Variants in R3HDM1 observed in about 807,000 individuals in gnomAD.
R3HDM1 encodes the protein R3H domain-containing protein 1.
R3HDM1 carries 46 observed loss-of-function variants against 141.1 expected under a neutral mutation model. The observed-to-expected ratio is 0.33, with a 90% CI of 0.26 to 0.42. R3HDM1 has a LOEUF of 0.42. R3HDM1 is among the 10% of genes least tolerant of loss of function. The pLI, the probability that R3HDM1 is intolerant of heterozygous loss-of-function variation, is 1.00. For missense variants in R3HDM1, 1,184 were observed against 1,368.3 expected, an observed-to-expected ratio of 0.87 and a Z score of 2.12; for synonymous variants, 435 against 472.9, an observed-to-expected ratio of 0.92 and a Z score of 1.04.
intron 16 of R3HDM1, 55 bp downstream of exon 16, chr2:135,645,582 G>A: frequency 1.3e-6 from 2 of 1,555,394 alleles, no homozygotes; most frequent in South Asian, 2.3e-5. Flanking sequence ...ACATATTTGG[G>A]ACTAAATTCG....
intron 7 of R3HDM1, among the ~76,000 whole-genome samples, chr2:135,626,067 G>A (rs1472418671): frequency 1.3e-5 from 2 of 152,152 alleles, no homozygotes; most frequent in African/African-American, 4.8e-5. Flanking sequence ...GTCTGAAGTG[G>A]GGCAGTCTTG....
At chr2:135,560,515 C>T (rs1387880198) in intron 1 of R3HDM1, among the ~76,000 whole-genome samples, 3 of 152,046 alleles carry the variant, frequency 2.0e-5, no homozygotes, top group African/African-American at 4.8e-5. Context: ...GGTTTCACCA[C>T]GTTGACCAGG....
intron 1 of R3HDM1, chr2:135,581,536 T>C (rs1706803636): frequency 6.8e-6 from 3 of 438,344 alleles, no homozygotes; most frequent in Non-Finnish European, 9.1e-6. Flanking sequence ...CTCCTCTCTA[T>C]GACATGTTAA....
rs149557194 is a variant in R3HDM1, at chr2:135,552,245, G to A, written c.-250+20612G>A. On this transcript the variant is annotated intron_variant, in intron 1 of 26. Transcript: ENST00000683871. ...GGGTCTTGCTCTCTCACCCAGGCTG[G>A]AGTGCAATGGCATGATCTTGGCTCA... Among the ~76,000 whole-genome samples the A allele has an allele frequency of 5.4e-3, 827 of 152,032 alleles. 7 individuals are homozygous for A. The highest frequency in any genetic ancestry group is 0.019 in the African/African-American group (795 of 41,468).
chr2:135,612,182 G>A (rs1246654144), intron 3 of R3HDM1, among the ~76,000 whole-genome samples: 3 of 152,054 alleles, frequency 2.0e-5, no homozygotes, highest in Non-Finnish European at 2.9e-5. Context: ...TTAGCATCCT[G>A]GCATCCATTA....
intron 1 of R3HDM1, among the ~76,000 whole-genome samples, chr2:135,596,385 T>A (rs2059189492): frequency 6.6e-6 from 1 of 152,112 alleles, no homozygotes; most frequent in Non-Finnish European, 1.5e-5. Context: ...ATGAAAAATG[T>A]CATAAACAAA....
intron 1 of R3HDM1, among the ~76,000 whole-genome samples, chr2:135,545,698 G>A (rs1021662600): frequency 1.2e-4 from 18 of 152,310 alleles, no homozygotes; most frequent in African/African-American, 4.3e-4. Flanking sequence ...GTATTCATTA[G>A]TTACGTGAAT....
At chr2:135,705,812 G>A (rs1409606602) in intron 21 of R3HDM1, among the ~76,000 whole-genome samples, 1 of 152,054 alleles carries the variant, frequency 6.6e-6, no homozygotes, top group Non-Finnish European at 1.5e-5. Flanking sequence ...AATGTTAAAG[G>A]AATAAGATGA....
intron 14 of R3HDM1, among the ~76,000 whole-genome samples, chr2:135,639,862 C>T (rs916724149): frequency 4.6e-5 from 7 of 152,100 alleles, no homozygotes; most frequent in South Asian, 2.1e-4. Flanking sequence ...TTTGGGATGC[C>T]GAGGCAGGCA....
chr2:135,695,409 T>A (rs547028505), intron 21 of R3HDM1, among the ~76,000 whole-genome samples: 3 of 152,144 alleles, frequency 2.0e-5, no homozygotes, highest in Non-Finnish European at 1.5e-5. Flanking sequence ...GCATCATTGC[T>A]CTTAAGGGGC....
intron 1 of R3HDM1, among the ~76,000 whole-genome samples, chr2:135,556,082 C>T (rs1700710834): frequency 6.6e-6 from 1 of 152,080 alleles, no homozygotes; most frequent in South Asian, 2.1e-4. Flanking sequence ...TGTGAATGAA[C>T]CTTGAAAACA....
intron 21 of R3HDM1, among the ~76,000 whole-genome samples, chr2:135,684,388 C>T (rs564581065): frequency 9.2e-5 from 14 of 152,240 alleles, no homozygotes; most frequent in African/African-American, 2.6e-4. Flanking sequence ...CGCTCCCAGC[C>T]GAACATATTT....
rs1053705507 is a variant in R3HDM1 at position 135,549,543 on chromosome 2, A to T, written c.-250+17910A>T. On this transcript the variant is annotated intron_variant, in intron 1 of 26. Coordinates refer to ENST00000683871, the MANE Select transcript of R3HDM1 (RefSeq NM_001378107.1). ...GCCATTGCACTCCAGCCTGGGTGACAAGAGCGAAACTCTGCCTCAAAAAAA... is the reference window on the plus strand; with the variant it reads ...GCCATTGCACTCCAGCCTGGGTGACTAGAGCGAAACTCTGCCTCAAAAAAA... Among the ~76,000 whole-genome samples, 109 of 148,676 alleles carry T rather than the reference A, an allele frequency of 7.3e-4. 3 individuals are homozygous for T. Among genetic ancestry groups the T allele is most frequent in the Non-Finnish European group, 2.2e-4 (15 of 67,450 alleles).
At position 135,681,129 on chromosome 2, in the gene R3HDM1, C is replaced by T. The variant is rs535826072; in HGVS notation, c.2459+805C>T. ...ATCAACAGAAATGTCTCTGACAAGC[C>T]ATGTGTTGAAAATACTAATCTTTCA... is the stretch of plus-strand genomic sequence containing the variant. On this transcript the variant is annotated intron_variant, in intron 21 of 26. Coordinates refer to ENST00000683871, the MANE Select transcript of R3HDM1 (RefSeq NM_001378107.1). 4.9e-4 allele frequency among the ~76,000 whole-genome samples: 75 copies of T among 152,244 alleles called. 2 individuals carry two copies. The highest frequency in any genetic ancestry group is 1.6e-3 in the African/African-American group (67 of 41,534).
intron 1 of R3HDM1, among the ~76,000 whole-genome samples, chr2:135,589,059 A>G (rs995700475): frequency 2.0e-5 from 3 of 152,158 alleles, no homozygotes; most frequent in Non-Finnish European, 4.4e-5. Context: ...CTCATTTAGC[A>G]TTTACGTGTT....
chr2:135,711,963 TAAAAAAA>T (rs35616482), intron 23 of R3HDM1, among the ~76,000 whole-genome samples: 5 of 85,108 alleles, frequency 5.9e-5, no homozygotes, highest in East Asian at 3.7e-4. Context: ...TGTCTAAAAT[TAAAAAAA>T]AAAAAAAAAA....
intron 23 of R3HDM1, among the ~76,000 whole-genome samples, chr2:135,713,773 C>A (rs2075898495): frequency 6.6e-6 from 1 of 151,972 alleles, no homozygotes; most frequent in African/African-American, 2.4e-5. Context: ...GGGTGTAGGC[C>A]ATCTTGGCTA....
chr2:135,627,455 T>C (rs1428798977), intron 7 of R3HDM1, among the ~76,000 whole-genome samples: 2 of 152,186 alleles, frequency 1.3e-5, no homozygotes, highest in African/African-American at 4.8e-5. Flanking sequence ...GTGTCTGCAA[T>C]ATTTTCAGAG....
At chr2:135,688,885 G>A (rs1379500062) in intron 21 of R3HDM1, among the ~76,000 whole-genome samples, 3 of 152,152 alleles carry the variant, frequency 2.0e-5, no homozygotes, top group African/African-American at 7.2e-5. Flanking sequence ...GCTGTGAGCC[G>A]AGATGGCACC....
Sources: gnomAD v4.1 joint callset for allele counts (sites outside exome capture counted in the v4.1 genomes callset) on GRCh38, gnomAD v4.1.1 for gene constraint, MANE v1.5 for transcripts, NCBI Gene and HGNC (gene_info 2026-07-23, HGNC 2026-07-21) for gene names.